IL1RAPL2: variants seen among roughly 807,000 people sequenced by gnomAD.
The protein encoded by IL1RAPL2 is X-linked interleukin-1 receptor accessory protein-like 2.
A neutral mutation model predicts 44.1 loss-of-function variants in IL1RAPL2; 3 were observed. That is an observed-to-expected ratio of 0.07 (90% CI 0.03 to 0.18). The LOEUF (loss-of-function observed/expected upper bound fraction) is 0.18, where lower values mean the gene tolerates loss of function less well. Ranked by LOEUF, IL1RAPL2 falls within the 10% of genes least tolerant of loss-of-function variation. The pLI, the probability that IL1RAPL2 is intolerant of heterozygous loss-of-function variation, is 1.00. For synonymous variants in IL1RAPL2, 181 were observed against 178.8 expected (o/e 1.01, Z -0.10); for missense variants, 391 against 496.4 (o/e 0.79, Z 2.02).
chrX:104,828,960 A>T (rs1407128218), intron 2 of IL1RAPL2, among the ~76,000 whole-genome samples: 3 of 111,856 alleles, frequency 2.7e-5, no homozygotes, highest in Non-Finnish European at 5.6e-5. Context: ...AGTCTCAGTA[A>T]TGGCAGACGC....
chrX:105,087,155 G>T (rs1438093919), intron 2 of IL1RAPL2, among the ~76,000 whole-genome samples: 1 of 111,443 alleles, frequency 9.0e-6, no homozygotes, highest in East Asian at 2.8e-4. Context: ...AATGGCATAA[G>T]TTTTGGTATA....
intron 2 of IL1RAPL2, among the ~76,000 whole-genome samples, chrX:105,035,249 C>A (rs932798963): frequency 9.0e-6 from 1 of 111,652 alleles, no homozygotes; most frequent in Non-Finnish European, 1.9e-5. Flanking sequence ...CACCCACTGT[C>A]CTGCACCCAC....
intron 6 of IL1RAPL2, among the ~76,000 whole-genome samples, chrX:105,663,327 T>A (rs2147848464): frequency 8.9e-6 from 1 of 112,226 alleles, no homozygotes; most frequent in South Asian, 3.7e-4. Context: ...AAAGACACTG[T>A]ATCAAAAAAG....
At chrX:104,668,682 A>ATTT (rs35941481) in intron 2 of IL1RAPL2, among the ~76,000 whole-genome samples, 88 of 101,982 alleles carry the variant, frequency 8.6e-4, no homozygotes, top group African/African-American at 2.8e-3. Context: ...GGAATTAATG[A>ATTT]TTTTTTTTTT....
chrX:104,686,893 C>A (rs868050358), intron 2 of IL1RAPL2, among the ~76,000 whole-genome samples: 4 of 112,057 alleles, frequency 3.6e-5, no homozygotes, highest in African/African-American at 1.3e-4. Flanking sequence ...AATGTAAATA[C>A]CAATTCTAAC....
intron 2 of IL1RAPL2, among the ~76,000 whole-genome samples, chrX:104,678,101 C>T (rs530831244): frequency 3.7e-4 from 42 of 112,669 alleles, no homozygotes; most frequent in African/African-American, 1.0e-3. Flanking sequence ...TGTTCCTATT[C>T]GGCCATCTTG....
chrX:104,636,803 T>C (rs1177841738), intron 1 of IL1RAPL2, among the ~76,000 whole-genome samples: 2 of 112,354 alleles, frequency 1.8e-5, no homozygotes, highest in Non-Finnish European at 1.9e-5. Flanking sequence ...GGTGAGGCGA[T>C]GCCTCGCCCT....
In IL1RAPL2 at chrX:105,498,704, C is replaced by T. The variant is rs73245780; in HGVS notation, c.772+14317C>T. 3.0e-3 allele frequency among the ~76,000 whole-genome samples: 331 copies of T among 111,477 alleles called. 1 individual carries two copies. The highest frequency in any genetic ancestry group is 5.4e-3 in the Non-Finnish European group (287 of 53,031). ...GCATAAGGACAGATATGTAGAACAACGGAACAAAATTAAAAAAACAATAGA... is the reference window on the plus strand; with the variant it reads ...GCATAAGGACAGATATGTAGAACAATGGAACAAAATTAAAAAAACAATAGA... On this transcript the variant is annotated intron_variant, in intron 6 of 10. Transcript: ENST00000372582.
In IL1RAPL2 at chrX:105,073,241, G is replaced by A. The variant is rs1188102442; in HGVS notation, c.83-122234G>A. Among the ~76,000 whole-genome samples, 8 of 78,591 alleles carry A rather than the reference G, an allele frequency of 1.0e-4. No individual in the cohort carries two copies. In the South Asian group the frequency reaches 5.6e-3, roughly 55 times the overall value. 68.2% of individuals were successfully genotyped at this position (78,591 alleles called of 115,157 possible). A position where few individuals can be genotyped will look rare whatever the true frequency, so the allele number is the denominator to read the frequency against. ...CCCAGTGTGTGATGTTCCCCTTCCT[G>A]TGTCCATGTGTTCTCATTGTTCAAT... On this transcript the variant is annotated intron_variant, in intron 2 of 10. Coordinates refer to ENST00000372582, the MANE Select transcript of IL1RAPL2 (RefSeq NM_017416.2).
At chrX:105,639,709 T>C (rs189270696) in intron 6 of IL1RAPL2, among the ~76,000 whole-genome samples, 1 of 111,385 alleles carries the variant, frequency 9.0e-6, no homozygotes, top group East Asian at 2.8e-4. Context: ...CATTCTCAAC[T>C]TTATTTTTAC....
chrX:104,663,460 C>T (rs989416809), intron 2 of IL1RAPL2, among the ~76,000 whole-genome samples: 5 of 111,107 alleles, frequency 4.5e-5, no homozygotes, highest in Non-Finnish European at 7.6e-5. Context: ...TGGATATTCA[C>T]ACTGTGCTTT....
chrX:105,595,392 T>C (rs1026002127), intron 6 of IL1RAPL2, among the ~76,000 whole-genome samples: 12 of 111,802 alleles, frequency 1.1e-4, no homozygotes, highest in African/African-American at 3.9e-4. Flanking sequence ...AATATACTAA[T>C]GATCATATTA....
intron 2 of IL1RAPL2, among the ~76,000 whole-genome samples, chrX:104,903,894 A>G (rs1427474544): frequency 9.0e-6 from 1 of 111,634 alleles, no homozygotes; most frequent in Non-Finnish European, 1.9e-5. Flanking sequence ...TTGTTATTTT[A>G]TAGATAACGA....
intron 1 of IL1RAPL2, among the ~76,000 whole-genome samples, chrX:104,624,495 A>G (rs1929461332): frequency 8.9e-6 from 1 of 111,990 alleles, no homozygotes; most frequent in South Asian, 3.7e-4. Flanking sequence ...ATGTAAATGC[A>G]AATGAAAACA....
intron 7 of IL1RAPL2, among the ~76,000 whole-genome samples, chrX:105,738,222 A>G (rs2038466193): frequency 8.9e-6 from 1 of 112,329 alleles, no homozygotes. Context: ...TTAATAACAT[A>G]CCTTTACATA....
intron 5 of IL1RAPL2, among the ~76,000 whole-genome samples, chrX:105,425,355 C>T (rs907898593): frequency 2.1e-4 from 23 of 110,054 alleles, no homozygotes; most frequent in African/African-American, 4.3e-4. Context: ...GAAACAAAGA[C>T]GATGAGAGTA....
chrX:105,671,874 A>T (rs2037827439), intron 6 of IL1RAPL2, among the ~76,000 whole-genome samples: 1 of 110,843 alleles, frequency 9.0e-6, no homozygotes, highest in Admixed American at 9.7e-5. Context: ...GTCCAGAATG[A>T]GTAATTACTG....
At chrX:105,453,541 CA>C (rs58333589) in intron 5 of IL1RAPL2, among the ~76,000 whole-genome samples, 4,702 of 111,686 alleles carry the variant, frequency 0.042, 233 homozygotes, top group African/African-American at 0.14. Context: ...TTTGTATTTC[CA>C]AAAAATCAAA....
At chrX:104,594,866 G>A (rs1475445023) in intron 1 of IL1RAPL2, among the ~76,000 whole-genome samples, 1 of 111,573 alleles carries the variant, frequency 9.0e-6, no homozygotes, top group Non-Finnish European at 1.9e-5. Context: ...AGGTGGCAAA[G>A]AGCTTAGTGA....
Sources: gnomAD v4.1 joint callset for allele counts (sites outside exome capture counted in the v4.1 genomes callset) on GRCh38, gnomAD v4.1.1 for gene constraint, MANE v1.5 for transcripts, NCBI Gene and HGNC (gene_info 2026-07-23, HGNC 2026-07-21) for gene names.